Variants in GOLM1 observed in about 807,000 individuals in gnomAD.
GOLM1 encodes the protein golgi membrane protein 1.
Under a neutral mutation model 50.5 loss-of-function variants are expected in GOLM1, and 31 were observed. That is an observed-to-expected ratio of 0.61 (90% confidence interval 0.46 to 0.83). The LOEUF (loss-of-function observed/expected upper bound fraction) is 0.83, where lower values mean the gene tolerates loss of function less well. Among genes scored for constraint, GOLM1 ranks in the 40% least tolerant of loss-of-function variants. The pLI is 0.00. For synonymous variants in GOLM1, 178 were observed against 192.8 expected (o/e 0.92, Z 0.64); for missense variants, 491 against 501.3 (o/e 0.98, Z 0.20).
At chr9:86,040,910 CTG>C in intron 5 of GOLM1, 42 bp from the exon 6 acceptor site, 1 of 1,600,004 alleles carries the variant, frequency 6.2e-7, no homozygotes, top group Admixed American at 1.7e-5. Context: ...ACGTCTATGA[CTG>C]TGTCTCTGCT....
intron 1 of GOLM1, among the ~76,000 whole-genome samples, chr9:86,089,890 G>T (rs1835118684): frequency 6.6e-6 from 1 of 152,154 alleles, no homozygotes; most frequent in Admixed American, 6.6e-5. Flanking sequence ...CATCTTTGTG[G>T]ATGTATCTAC....
At chr9:86,048,359 C>A (rs544441900) in intron 4 of GOLM1, among the ~76,000 whole-genome samples, 2 of 152,118 alleles carry the variant, frequency 1.3e-5, no homozygotes, top group Non-Finnish European at 2.9e-5. Context: ...TTTACAATAG[C>A]ATGATTTATA....
intron 1 of GOLM1, among the ~76,000 whole-genome samples, chr9:86,086,774 A>G (rs2118881995): frequency 6.6e-6 from 1 of 152,204 alleles, no homozygotes; most frequent in East Asian, 1.9e-4. Flanking sequence ...GATGTGTGGC[A>G]TTCTTTCTGA....
chr9:86,078,969 C>T (rs753131151), intron 2 of GOLM1, among the ~76,000 whole-genome samples: 52 of 152,198 alleles, frequency 3.4e-4, no homozygotes, highest in Admixed American at 1.8e-3. Context: ...ATACCACAAC[C>T]GCAATCCTAC....
rs147766357 is a variant in GOLM1 at position 86,050,295 on chromosome 9, G to A, written c.364+2242C>T. ...GCATTTTATTGAGGATTTTTGCATC[G>A]ATGTTCATCAGGGATATAGGTCTAA... On this transcript the variant is annotated intron_variant, in intron 4 of 9. Coordinates refer to ENST00000388712, the MANE Select transcript of GOLM1 (RefSeq NM_016548.4). Among the ~76,000 whole-genome samples, 592 of 152,214 alleles carry A rather than the reference G, an allele frequency of 3.9e-3. 20 individuals carry two copies. In the East Asian group the frequency reaches 0.075, roughly 19 times the overall value.
chr9:86,081,762 G>A (rs1326000442), intron 1 of GOLM1, among the ~76,000 whole-genome samples: 1 of 151,622 alleles, frequency 6.6e-6, no homozygotes, highest in East Asian at 2.0e-4. Flanking sequence ...GGTGGCACAT[G>A]CCTGTAGTCC....
intron 4 of GOLM1, among the ~76,000 whole-genome samples, 197 bp from the exon 5 acceptor site, chr9:86,046,769 G>A (rs1833558882): frequency 6.6e-6 from 1 of 152,170 alleles, no homozygotes; most frequent in Non-Finnish European, 1.5e-5. Context: ...AGAGTGCTCT[G>A]CAAGAGCAGC....
In GOLM1 at chr9:86,027,168, T is replaced by C; in HGVS notation, c.*649A>G. ...AATTCTAAGCCACTTAATAGCGTTTTGTACATTAAAAATGACAAGGGTTAT... is the reference window on the plus strand; with the variant it reads ...AATTCTAAGCCACTTAATAGCGTTTCGTACATTAAAAATGACAAGGGTTAT... On this transcript the variant is annotated 3_prime_UTR_variant, in exon 10 of 10. Transcript: ENST00000388712. 1 of 985,454 alleles carries C rather than the reference T, an allele frequency of 1.0e-6. No homozygotes were observed. The highest frequency in any genetic ancestry group is 1.2e-6 in the Non-Finnish European group (1 of 829,916). The allele number at this position is 985,454 out of a possible 1,614,324, so 61.0% of individuals were successfully genotyped here.
rs1288860095 is a variant in GOLM1, at chr9:86,088,445, T to TGC, written c.-21-9105_-21-9104insGC. The stretch of plus-strand genomic sequence containing the variant: ...GTATATATATATATATATATATATA[T>TGC]ATATATATATATTTAGGATAGATAG... On this transcript the variant is annotated intron_variant, in intron 1 of 9. Coordinates refer to ENST00000388712, the MANE Select transcript of GOLM1 (RefSeq NM_016548.4). Among the ~76,000 whole-genome samples the TGC allele has an allele frequency of 8.5e-5, 11 of 129,070 alleles. 1 individual carries two copies. Among genetic ancestry groups the TGC allele is most frequent in the African/African-American group, 3.3e-4 (11 of 33,210 alleles). The allele number at this position is 129,070 out of a possible 152,430, so 84.7% of individuals were successfully genotyped here. A position where few individuals can be genotyped will look rare whatever the true frequency, so the allele number is the denominator to read the frequency against.
intron 1 of GOLM1, among the ~76,000 whole-genome samples, chr9:86,085,312 A>G (rs1309780082): frequency 6.6e-6 from 1 of 152,070 alleles, no homozygotes; most frequent in African/African-American, 2.4e-5. Flanking sequence ...GCCCAGTTTT[A>G]AACTGGGGTG....
At chr9:86,036,658 G>A (rs894453972) in intron 6 of GOLM1, 151 bp from the exon 7 acceptor site, 4 of 725,592 alleles carry the variant, frequency 5.5e-6, no homozygotes, top group South Asian at 1.9e-5. Context: ...CTCTGGTCAC[G>A]CCCTGGTCAT....
At chr9:86,031,449 G>GTTTTTTTTT (rs774806772) in intron 9 of GOLM1, among the ~76,000 whole-genome samples, 1 of 79,498 alleles carries the variant, frequency 1.3e-5, no homozygotes, top group Non-Finnish European at 2.4e-5. Flanking sequence ...TACCACTGAG[G>GTTTTTTTTT]TTTTTTTTTT....
chr9:86,074,826 C>A (rs1834565095), intron 3 of GOLM1, among the ~76,000 whole-genome samples: 1 of 152,200 alleles, frequency 6.6e-6, no homozygotes, highest in Admixed American at 6.5e-5. Context: ...CCCCACCACA[C>A]TGCTTGCTCT....
At chr9:86,089,515 A>C (rs2118893656) in intron 1 of GOLM1, among the ~76,000 whole-genome samples, 1 of 151,766 alleles carries the variant, frequency 6.6e-6, no homozygotes, top group South Asian at 2.1e-4. Flanking sequence ...TTGATCTTCG[A>C]CCTCTGATAT....
intron 3 of GOLM1, among the ~76,000 whole-genome samples, chr9:86,076,726 G>A (rs760998614): frequency 5.3e-5 from 8 of 151,702 alleles, no homozygotes; most frequent in Non-Finnish European, 8.8e-5. Context: ...TTAGCTGGGC[G>A]TGGTGGCAGG....
chr9:86,092,758 T>C (rs1415634814), intron 1 of GOLM1, among the ~76,000 whole-genome samples: 1 of 152,186 alleles, frequency 6.6e-6, no homozygotes, highest in Non-Finnish European at 1.5e-5. Context: ...GGACACACAC[T>C]GGCGAGAAAT....
chr9:86,035,631 C>T lies in GOLM1; in HGVS notation c.758-6G>A, dbSNP rs1029818594. ...CTGGATCTCATTGGTTTCCTCTGTG[C>T]ACAGAACACAGTTAGCTGTGACCTT... On this transcript the variant is annotated splice_region_variant and splice_polypyrimidine_tract_variant and intron_variant, in intron 7 of 9. Coordinates refer to ENST00000388712, the MANE Select transcript of GOLM1 (RefSeq NM_016548.4). The T allele has an allele frequency of 3.2e-6, 5 of 1,539,300 alleles. No individual in the cohort carries two copies. Among genetic ancestry groups the T allele is most frequent in the Non-Finnish European group, 4.4e-6 (5 of 1,129,752 alleles).
intron 1 of GOLM1, among the ~76,000 whole-genome samples, chr9:86,098,379 T>C (rs1247706143): frequency 2.0e-5 from 3 of 152,150 alleles, no homozygotes; most frequent in Admixed American, 6.5e-5. Flanking sequence ...AAAACTGAGA[T>C]TTGAGCCAAC....
At chr9:86,096,837 G>A (rs1215718111) in intron 1 of GOLM1, among the ~76,000 whole-genome samples, 5 of 152,096 alleles carry the variant, frequency 3.3e-5, no homozygotes, top group Admixed American at 3.3e-4. Context: ...TGCACATACA[G>A]AAGAGTGTTA....
Sources: gnomAD v4.1 joint callset for allele counts (sites outside exome capture counted in the v4.1 genomes callset) on GRCh38, gnomAD v4.1.1 for gene constraint, MANE v1.5 for transcripts, NCBI Gene and HGNC (gene_info 2026-07-23, HGNC 2026-07-21) for gene names.